DNAH12: variants seen among roughly 807,000 people sequenced by gnomAD.
The protein encoded by DNAH12 is dynein axonemal heavy chain 12.
In DNAH12, 285 loss-of-function variants were observed where a neutral mutation model predicts 371.5. That is an observed-to-expected ratio of 0.77 (90% CI 0.70 to 0.85). The LOEUF (loss-of-function observed/expected upper bound fraction) is 0.85, where lower values mean the gene tolerates loss of function less well. DNAH12 is among the 40% of genes least tolerant of loss of function. The pLI is 0.00. For missense variants in DNAH12, 3,611 were observed against 3,689.4 expected (o/e 0.98, Z 0.55); for synonymous variants, 1,200 against 1,213.0 (o/e 0.99, Z 0.22).
rs1400485732 is a variant in DNAH12 at position 57,324,617 on chromosome 3, C to T, written c.9979-998G>A. Among the ~76,000 whole-genome samples, 10 of 152,250 alleles carry T rather than the reference C, an allele frequency of 6.6e-5. No homozygotes were observed. In the South Asian group the frequency reaches 1.0e-3, roughly 16 times the overall value. On this transcript the variant is annotated intron_variant, in intron 62 of 73. Coordinates refer to ENST00000495027, the MANE Select transcript of DNAH12 (RefSeq NM_001366028.2). Reference sequence around the variant, plus strand: ...CAAGATGGCCGAATAGGAACAGCTCCGGTCTACAGCTCCCAGCGTGAGCCA... The same window carrying T: ...CAAGATGGCCGAATAGGAACAGCTCTGGTCTACAGCTCCCAGCGTGAGCCA...
chr3:57,476,767 C>T (rs2317656), intron 13 of DNAH12, among the ~76,000 whole-genome samples: 104,959 of 151,998 alleles, frequency 0.69, 36,448 homozygotes, highest in South Asian at 0.8. Flanking sequence ...TTAAAAGTTT[C>T]TTAAACAAAG....
At chr3:57,490,826 C>T (rs1001351179) in intron 11 of DNAH12, among the ~76,000 whole-genome samples, 5 of 152,046 alleles carry the variant, frequency 3.3e-5, no homozygotes, top group South Asian at 2.1e-4. Flanking sequence ...TGGTGGCTCA[C>T]GCCTGTAATC....
intron 39 of DNAH12, among the ~76,000 whole-genome samples, chr3:57,412,662 G>C (rs1220139777): frequency 3.3e-5 from 5 of 152,164 alleles, no homozygotes; most frequent in African/African-American, 1.2e-4. Flanking sequence ...GTAAGATACA[G>C]AGAGGGCAAA....
At chr3:57,495,145 C>A (rs536444809) in intron 11 of DNAH12, among the ~76,000 whole-genome samples, 1 of 152,036 alleles carries the variant, frequency 6.6e-6, no homozygotes, top group Non-Finnish European at 1.5e-5. Flanking sequence ...CAGTAAATGA[C>A]AGAAATAAAT....
intron 45 of DNAH12, among the ~76,000 whole-genome samples, chr3:57,390,408 CAAAA>C (rs878912244): frequency 1.6e-4 from 1 of 6,088 alleles, no homozygotes; most frequent in African/African-American, 2.6e-4. Context: ...GATCCTGTCT[CAAAA>C]AAAAAAAAAA....
chr3:57,401,352 C>A (rs1263434460), intron 43 of DNAH12, among the ~76,000 whole-genome samples: 3 of 149,776 alleles, frequency 2.0e-5, no homozygotes, highest in Admixed American at 1.3e-4. Context: ...GAATTCGAGA[C>A]CAGCCTGGGC....
At chr3:57,443,056 T>G (rs2065358357) in intron 29 of DNAH12, among the ~76,000 whole-genome samples, 1 of 152,236 alleles carries the variant, frequency 6.6e-6, no homozygotes, top group African/African-American at 2.4e-5. Flanking sequence ...TATTACCTAT[T>G]TCATTAATTG....
At position 57,481,273 on chromosome 3, in the gene DNAH12, A is replaced by G. The variant is rs541315611; in HGVS notation, c.1650+2103T>C. On this transcript the variant is annotated intron_variant, in intron 13 of 73. Transcript: ENST00000495027. The stretch of plus-strand genomic sequence containing the variant: ...AAATCACAAGCATTCTTATACACCA[A>G]TAACAGACAAACAGAGAGCCAAATC... Among the ~76,000 whole-genome samples the G allele has an allele frequency of 1.3e-3, 198 of 152,304 alleles. 1 individual carries two copies. The highest frequency in any genetic ancestry group is 4.5e-3 in the African/African-American group (186 of 41,570).
In DNAH12 at chr3:57,471,480, T is replaced by C. The variant is rs1178025848; in HGVS notation, c.1903A>G (p.Met635Val). The change falls in exon 15 of 74, where the codon ATG (methionine) becomes GTG (valine). Residue 635 changes from methionine (M) to valine (V), a missense_variant. By Grantham distance (21) the Met-to-Val change is conservative (BLOSUM62 1). Coordinates refer to ENST00000495027, the MANE Select transcript of DNAH12 (RefSeq NM_001366028.2). ...TCATATATTTATCAGACCTGTTGCATGCGCTCCAGCTCTGCAAATTCTGTA... is the reference window on the plus strand; with the variant it reads ...TCATATATTTATCAGACCTGTTGCACGCGCTCCAGCTCTGCAAATTCTGTA... ...EFTEFAELERMQQYVTDVRQL... is the reference protein window; with the variant it reads ...EFTEFAELERVQQYVTDVRQL... 2 of 1,544,852 alleles carry C rather than the reference T, an allele frequency of 1.3e-6. No individual in the cohort carries two copies. Among genetic ancestry groups the C allele is most frequent in the African/African-American group, 1.4e-5 (1 of 72,784 alleles).
At chr3:57,372,039 A>T (rs924175214) in intron 55 of DNAH12, among the ~76,000 whole-genome samples, 11 of 151,754 alleles carry the variant, frequency 7.2e-5, no homozygotes, top group African/African-American at 2.4e-4. Flanking sequence ...AGTTAAGTAG[A>T]AGGCACAAGA....
intron 43 of DNAH12, among the ~76,000 whole-genome samples, chr3:57,399,017 T>C (rs1201983843): frequency 1.3e-5 from 2 of 152,092 alleles, no homozygotes; most frequent in Non-Finnish European, 2.9e-5. Context: ...ATTTGTGACA[T>C]CCAGAACAAA....
At chr3:57,304,794 T>C (rs1214709569) in intron 69 of DNAH12, among the ~76,000 whole-genome samples, 1 of 152,020 alleles carries the variant, frequency 6.6e-6, no homozygotes, top group Non-Finnish European at 1.5e-5. Context: ...TCTGCTTTTC[T>C]GGAGGGCAAG....
intron 1 of DNAH12, 123 bp from the exon 2 acceptor site, chr3:57,543,026 T>C (rs144000771): frequency 9.1e-6 from 6 of 662,664 alleles, no homozygotes; most frequent in Middle Eastern, 4.4e-4. Context: ...CTCCCAAGTA[T>C]GGTATTAGTC....
At chr3:57,550,710 A>G in the DNAH12 span, among the ~76,000 whole-genome samples, 1 of 151,394 alleles carries the variant, frequency 6.6e-6, no homozygotes, top group African/African-American at 2.4e-5. Context: ...TTTAATAGAG[A>G]TGGGGTTTCA....
chr3:57,434,718 G>T (rs1169983553), intron 30 of DNAH12, among the ~76,000 whole-genome samples: 1 of 152,158 alleles, frequency 6.6e-6, no homozygotes, highest in Non-Finnish European at 1.5e-5. Flanking sequence ...GAAACATTTG[G>T]TAAATGTATT....
chr3:57,321,161 A>G (rs1229976226), intron 65 of DNAH12, among the ~76,000 whole-genome samples: 2 of 152,132 alleles, frequency 1.3e-5, no homozygotes, highest in African/African-American at 4.8e-5. Flanking sequence ...TTCTAATTGC[A>G]GGAGCTCAAA....
At chr3:57,498,412 GC>G in intron 11 of DNAH12, 1 of 696,198 alleles carries the variant, frequency 1.4e-6, no homozygotes, top group East Asian at 2.7e-5. Context: ...GAACTCCTAG[GC>G]TCCAGTAATC....
chr3:57,540,304 G>A (rs2069224353), intron 2 of DNAH12, among the ~76,000 whole-genome samples: 1 of 152,088 alleles, frequency 6.6e-6, no homozygotes, highest in Non-Finnish European at 1.5e-5. Flanking sequence ...ACCTGCCTCG[G>A]CCTCCCAAAG....
chr3:57,524,160 G>A (rs1218642043), intron 2 of DNAH12, among the ~76,000 whole-genome samples: 3 of 152,002 alleles, frequency 2.0e-5, no homozygotes, highest in Non-Finnish European at 4.4e-5. Flanking sequence ...TGAATAGTGG[G>A]CACTTATATG....
Sources: allele counts gnomAD v4.1 joint callset (sites outside exome capture counted in the v4.1 genomes callset), GRCh38; gene constraint gnomAD v4.1.1; transcripts MANE v1.5; gene names NCBI Gene and HGNC (gene_info 2026-07-23, HGNC 2026-07-21).